The following SLC14A2 variants were observed in gnomAD, a reference collection of about 807,000 sequenced individuals.
The protein encoded by SLC14A2 is solute carrier family 14 member 2.
In SLC14A2, 91 loss-of-function variants were observed where a neutral mutation model predicts 104.6. That is an observed-to-expected ratio of 0.87 (90% confidence interval 0.73 to 1.04). The LOEUF (loss-of-function observed/expected upper bound fraction) is 1.04, where lower values mean the gene tolerates loss of function less well. SLC14A2 is among the 50% of genes least tolerant of loss of function. SLC14A2 has a pLI of 0.00. For synonymous variants in SLC14A2, 476 were observed against 466.4 expected (o/e 1.02, Z -0.27); for missense variants, 1,189 against 1,156.0 (o/e 1.03, Z -0.41).
intron 10 of SLC14A2, among the ~76,000 whole-genome samples, chr18:45,654,230 G>A (rs979248730): frequency 3.3e-5 from 5 of 152,174 alleles, no homozygotes; most frequent in Non-Finnish European, 7.3e-5. Context: ...ACGTGCGCCA[G>A]GCAACAGGTT....
intron 1 of SLC14A2, among the ~76,000 whole-genome samples, chr18:45,425,467 A>G (rs1034961056): frequency 1.3e-5 from 2 of 152,146 alleles, no homozygotes; most frequent in Admixed American, 6.5e-5. Flanking sequence ...CCACCTGAGA[A>G]CTGTATCCTT....
the SLC14A2 span, among the ~76,000 whole-genome samples, chr18:45,200,441 T>C: frequency 6.6e-6 from 1 of 152,356 alleles, no homozygotes; most frequent in East Asian, 1.9e-4. Flanking sequence ...TGAAAGTATT[T>C]TGAAATAAAG....
intron 15 of SLC14A2, 77 bp from the exon 16 acceptor site, chr18:45,669,229 G>A (rs2046084850): frequency 8.2e-7 from 1 of 1,212,602 alleles, no homozygotes; most frequent in Non-Finnish European, 1.2e-6. Context: ...AAGGCACAGG[G>A]AGCCCCCACT....
intron 1 of SLC14A2, among the ~76,000 whole-genome samples, chr18:45,430,816 A>T (rs1021379082): frequency 6.6e-6 from 1 of 152,100 alleles, no homozygotes; most frequent in Non-Finnish European, 1.5e-5. Context: ...GGTGGCCTTC[A>T]CATGGTGGGA....
chr18:45,587,980 C>A (rs1056085534), intron 2 of SLC14A2, among the ~76,000 whole-genome samples: 2 of 150,792 alleles, frequency 1.3e-5, no homozygotes, highest in Non-Finnish European at 3.0e-5. Flanking sequence ...GTGGTTTGGA[C>A]CATATGTTGC....
chr18:45,672,738 C>A (rs1257111640), intron 16 of SLC14A2, among the ~76,000 whole-genome samples, 162 bp from the exon 17 acceptor site: 1 of 152,192 alleles, frequency 6.6e-6, no homozygotes, highest in Non-Finnish European at 1.5e-5. Flanking sequence ...GATAATAAAG[C>A]TTTTGTTCCT....
intron 5 of SLC14A2, chr18:45,634,800 A>T (rs2045393124): frequency 4.4e-6 from 2 of 457,164 alleles, no homozygotes; most frequent in Middle Eastern, 6.5e-4. Context: ...GTTTAAATCT[A>T]AACAAATCAC....
chr18:45,296,425 G>A (rs1226633366), intron 1 of SLC14A2, among the ~76,000 whole-genome samples: 1 of 152,172 alleles, frequency 6.6e-6, no homozygotes, highest in Non-Finnish European at 1.5e-5. Flanking sequence ...AGATTGACAG[G>A]AATGTTTCTC....
intron 1 of SLC14A2, among the ~76,000 whole-genome samples, chr18:45,397,548 T>C (rs185887754): frequency 1.2e-3 from 185 of 152,332 alleles, no homozygotes; most frequent in Non-Finnish European, 2.0e-3. Context: ...TAGTTCCTTA[T>C]AGATGTTGGA....
intron 1 of SLC14A2, among the ~76,000 whole-genome samples, chr18:45,249,060 G>T (rs62092156): frequency 6.6e-6 from 1 of 152,046 alleles, no homozygotes; most frequent in Non-Finnish European, 1.5e-5. Context: ...TCCTTTGGGG[G>T]TTACCTCTAA....
chr18:45,448,041 T>C (rs1031652730), intron 1 of SLC14A2, among the ~76,000 whole-genome samples: 2 of 152,232 alleles, frequency 1.3e-5, no homozygotes, highest in East Asian at 3.8e-4. Context: ...ATGGCTCAAG[T>C]GTGTTAATAG....
At chr18:45,532,255 G>C (rs1354326375) in intron 2 of SLC14A2, among the ~76,000 whole-genome samples, 1 of 152,170 alleles carries the variant, frequency 6.6e-6, no homozygotes, top group Non-Finnish European at 1.5e-5. Flanking sequence ...TTGGTAGCTT[G>C]ATGGGGATGG....
At chr18:45,240,645 T>G (rs576668655) in intron 1 of SLC14A2, among the ~76,000 whole-genome samples, 21 of 150,672 alleles carry the variant, frequency 1.4e-4, no homozygotes, top group African/African-American at 5.0e-4. Flanking sequence ...TTTTTTGTTT[T>G]TTTTGTTTTT....
the SLC14A2 span, among the ~76,000 whole-genome samples, chr18:45,202,987 G>A: frequency 0.24 from 36,041 of 152,084 alleles, 4,576 homozygotes; most frequent in Non-Finnish European, 0.3. Context: ...AAGAATCACC[G>A]TTCCAGTGGT....
At chr18:45,498,013 AG>A (rs1314941669) in intron 2 of SLC14A2, among the ~76,000 whole-genome samples, 1 of 152,214 alleles carries the variant, frequency 6.6e-6, no homozygotes, top group African/African-American at 2.4e-5. Flanking sequence ...TAGACTTAGG[AG>A]GTTATGTTTC....
At chr18:45,499,180 G>A (rs2043151101) in intron 2 of SLC14A2, among the ~76,000 whole-genome samples, 1 of 152,148 alleles carries the variant, frequency 6.6e-6, no homozygotes, top group Admixed American at 6.5e-5. Flanking sequence ...ACTCCTTTGA[G>A]ACTCTGATGG....
chr18:45,208,675 A>G (rs2083935444), upstream of SLC14A2, among the ~76,000 whole-genome samples: 1 of 152,120 alleles, frequency 6.6e-6, no homozygotes. Flanking sequence ...AAGAGACTGA[A>G]ATGGCAGACT....
intron 1 of SLC14A2, among the ~76,000 whole-genome samples, chr18:45,361,085 G>C (rs139932546): frequency 6.6e-6 from 1 of 152,064 alleles, no homozygotes; most frequent in African/African-American, 2.4e-5. Flanking sequence ...ACATCTTGTC[G>C]TTCCTGTCAG....
chr18:45,543,041 C>T (rs187217881), intron 2 of SLC14A2, among the ~76,000 whole-genome samples: 17 of 152,104 alleles, frequency 1.1e-4, no homozygotes, highest in African/African-American at 2.2e-4. Flanking sequence ...CTCCGCTTCC[C>T]GGGTTAAAGT....
Sources: gnomAD v4.1 joint callset for allele counts (sites outside exome capture counted in the v4.1 genomes callset) on GRCh38, gnomAD v4.1.1 for gene constraint, MANE v1.5 for transcripts, NCBI Gene and HGNC (gene_info 2026-07-23, HGNC 2026-07-21) for gene names.